Variants in FRMD3 observed in about 807,000 individuals in gnomAD.
FRMD3 encodes the protein FERM domain-containing protein 3.
Under a neutral mutation model 70.2 loss-of-function variants are expected in FRMD3, and 33 were observed. The observed-to-expected ratio is 0.47, with a 90% confidence interval of 0.36 to 0.63. FRMD3 has a LOEUF of 0.63. Ranked by LOEUF, FRMD3 falls within the 20% of genes least tolerant of loss-of-function variation. The pLI is 0.00. For missense variants in FRMD3, 632 were observed against 711.4 expected (o/e 0.89, Z 1.27); for synonymous variants, 279 against 255.9 (o/e 1.09, Z -0.86).
intron 1 of FRMD3, among the ~76,000 whole-genome samples, chr9:83,479,613 A>G (rs1452809826): frequency 7.7e-6 from 1 of 129,538 alleles, no homozygotes; most frequent in Non-Finnish European, 1.6e-5. Flanking sequence ...AGGGATAGCA[A>G]GACCCTGAAG....
chr9:83,413,544 G>A (rs541389746), intron 1 of FRMD3, among the ~76,000 whole-genome samples: 3 of 152,098 alleles, frequency 2.0e-5, no homozygotes, highest in African/African-American at 7.2e-5. Context: ...AAGGATAATC[G>A]CTTTTCAGCA....
intron 1 of FRMD3, among the ~76,000 whole-genome samples, chr9:83,402,246 G>T (rs990214519): frequency 6.7e-6 from 1 of 148,488 alleles, no homozygotes; most frequent in African/African-American, 2.5e-5. Context: ...AACGCCCCAG[G>T]AGCCTAACAA....
chr9:83,243,630 G>A (rs1312237487), downstream of FRMD3, among the ~76,000 whole-genome samples: 3 of 152,124 alleles, frequency 2.0e-5, no homozygotes, highest in African/African-American at 4.8e-5. Flanking sequence ...CTATAGGTCC[G>A]TAAGCTTCCT....
chr9:83,257,910 C>T (rs1015937807), intron 13 of FRMD3, among the ~76,000 whole-genome samples: 1 of 152,140 alleles, frequency 6.6e-6, no homozygotes, highest in Non-Finnish European at 1.5e-5. Context: ...GTTTCTCACC[C>T]ATAGAAAACA....
At chr9:83,375,745 A>G in intron 2 of FRMD3, among the ~76,000 whole-genome samples, 1 of 152,224 alleles carries the variant, frequency 6.6e-6, no homozygotes, top group African/African-American at 2.4e-5. Context: ...GAGGGACAGG[A>G]TCAGGCAAAA....
chr9:83,531,994 C>T (rs1000384600), intron 1 of FRMD3, among the ~76,000 whole-genome samples: 4 of 152,086 alleles, frequency 2.6e-5, no homozygotes, highest in African/African-American at 9.7e-5. Context: ...CAAAGCCTTC[C>T]CACTATTTAG....
rs371118814 is a variant in FRMD3 at position 83,439,047 on chromosome 9, G to A, written c.148-49339C>T. Among the ~76,000 whole-genome samples, 20 of 152,288 alleles carry A rather than the reference G, an allele frequency of 1.3e-4. 1 individual carries two copies. In the East Asian group the frequency reaches 3.7e-3, roughly 28 times the overall value. On this transcript the variant is annotated intron_variant, in intron 1 of 13. Transcript: ENST00000304195. ...TCCTTTAAAAAGGCATCTGTGAGGG[G>A]ACACTGCTCACCTGGACATGCCTAT...
At chr9:83,385,064 T>C (rs1268111862) in intron 2 of FRMD3, among the ~76,000 whole-genome samples, 1 of 151,974 alleles carries the variant, frequency 6.6e-6, no homozygotes, top group African/African-American at 2.4e-5. Context: ...ACAATGGACA[T>C]CTAAAACCAT....
At chr9:83,291,007 C>T (rs1165823865) in intron 12 of FRMD3, among the ~76,000 whole-genome samples, 7 of 151,760 alleles carry the variant, frequency 4.6e-5, no homozygotes, top group Non-Finnish European at 5.9e-5. Flanking sequence ...ACAGCCTGGG[C>T]GTTTTTTAAA....
chr9:83,446,690 G>T (rs548473766), intron 1 of FRMD3, among the ~76,000 whole-genome samples: 3 of 150,100 alleles, frequency 2.0e-5, no homozygotes, highest in African/African-American at 7.4e-5. Context: ...CTGCTGCGAC[G>T]TCCACACGGA....
chr9:83,383,030 C>G (rs1205081158), intron 2 of FRMD3, among the ~76,000 whole-genome samples: 1 of 152,180 alleles, frequency 6.6e-6, no homozygotes, highest in Non-Finnish European at 1.5e-5. Context: ...CTCTAAGCAG[C>G]CGTGTAAGAA....
intron 1 of FRMD3, among the ~76,000 whole-genome samples, chr9:83,399,807 TA>T (rs1825902764): frequency 6.6e-6 from 1 of 152,172 alleles, no homozygotes; most frequent in Non-Finnish European, 1.5e-5. Flanking sequence ...TTAAAATTGT[TA>T]AAAAGAAATA....
At chr9:83,289,109 C>G (rs1834321949) in intron 13 of FRMD3, among the ~76,000 whole-genome samples, 1 of 152,090 alleles carries the variant, frequency 6.6e-6, no homozygotes, top group South Asian at 2.1e-4. Context: ...GATTTTCACT[C>G]AAAGCAATAT....
chr9:83,377,166 CT>C (rs1322458744), intron 2 of FRMD3, among the ~76,000 whole-genome samples: 2 of 152,168 alleles, frequency 1.3e-5, no homozygotes, highest in Non-Finnish European at 2.9e-5. Context: ...GTTTGGGAGG[CT>C]TTGAACTACT....
At position 83,260,806 on chromosome 9, in the gene FRMD3, G is replaced by A. The variant is rs958553131; in HGVS notation, c.1196-12290C>T. Among the ~76,000 whole-genome samples, 139 of 152,190 alleles carry A rather than the reference G, an allele frequency of 9.1e-4. 1 individual carries two copies. Among genetic ancestry groups the A allele is most frequent in the African/African-American group, 3.2e-3 (134 of 41,532 alleles). The stretch of plus-strand genomic sequence containing the variant: ...GCAGCATGCAGACTTCTAAAATTTA[G>A]TAAGATAGTATACCATTAACCTCAC... On this transcript the variant is annotated intron_variant, in intron 13 of 13. Coordinates refer to ENST00000304195, the MANE Select transcript of FRMD3 (RefSeq NM_174938.6).
chr9:83,354,406 AAAAC>A (rs1294586081), intron 3 of FRMD3, among the ~76,000 whole-genome samples: 15 of 152,380 alleles, frequency 9.8e-5, no homozygotes, highest in African/African-American at 3.6e-4. Flanking sequence ...CAGGAGCAGA[AAAAC>A]AAACACTGCA....
intron 11 of FRMD3, 51 bp downstream of exon 11, chr9:83,299,061 A>G (rs1207357892): frequency 7.4e-7 from 1 of 1,349,066 alleles, no homozygotes; most frequent in Non-Finnish European, 1.1e-6. Flanking sequence ...TTGAAATTTA[A>G]GTGGCTGCCC....
intron 3 of FRMD3, among the ~76,000 whole-genome samples, chr9:83,358,596 C>T (rs1001690179): frequency 2.0e-5 from 3 of 152,018 alleles, no homozygotes; most frequent in African/African-American, 4.8e-5. Flanking sequence ...TTTGTGTTGT[C>T]TATGATTTCT....
chr9:83,350,988 G>C, intron 3 of FRMD3: 1 of 966,100 alleles, frequency 1.0e-6, no homozygotes, highest in Non-Finnish European at 1.2e-6. Flanking sequence ...CCATGGATTG[G>C]ACATACCACT....
Sources: gnomAD v4.1 joint callset for allele counts (sites outside exome capture counted in the v4.1 genomes callset) on GRCh38, gnomAD v4.1.1 for gene constraint, MANE v1.5 for transcripts, NCBI Gene and HGNC (gene_info 2026-07-23, HGNC 2026-07-21) for gene names.